ROBO2: variants seen among roughly 807,000 people sequenced by gnomAD.
ROBO2 encodes the protein roundabout homolog 2.
A neutral mutation model predicts 160.8 loss-of-function variants in ROBO2; 53 were observed. That is an observed-to-expected ratio of 0.33 (90% CI 0.26 to 0.41). The LOEUF (loss-of-function observed/expected upper bound fraction) is 0.41. ROBO2 is among the 10% of genes least tolerant of loss of function. The pLI is 1.00. For missense variants in ROBO2, 1,577 were observed against 1,722.4 expected, an observed-to-expected ratio of 0.92 and a Z score of 1.49; for synonymous variants, 664 against 611.7, an observed-to-expected ratio of 1.09 and a Z score of -1.26.
chr3:75,962,275 C>T (rs972377609), intron 2 of ROBO2, among the ~76,000 whole-genome samples: 2 of 151,626 alleles, frequency 1.3e-5, no homozygotes, highest in Non-Finnish European at 2.9e-5. Context: ...GATAGCACAT[C>T]CAAAGTGCTG....
intron 2 of ROBO2, among the ~76,000 whole-genome samples, chr3:76,543,203 A>G (rs1388453055): frequency 1.3e-5 from 2 of 152,200 alleles, no homozygotes; most frequent in African/African-American, 4.8e-5. Context: ...ATTGTTCACA[A>G]TGACTGTTAT....
intron 2 of ROBO2, among the ~76,000 whole-genome samples, chr3:77,448,056 G>A (rs1266712209): frequency 6.6e-6 from 1 of 152,106 alleles, no homozygotes; most frequent in East Asian, 1.9e-4. Flanking sequence ...CAGTTTTTGC[G>A]ATGTGACATT....
At chr3:77,416,124 T>G (rs1429758153) in intron 2 of ROBO2, among the ~76,000 whole-genome samples, 1 of 152,130 alleles carries the variant, frequency 6.6e-6, no homozygotes, top group African/African-American at 2.4e-5. Flanking sequence ...GAGAGTAAAG[T>G]TCTTGACAAT....
At chr3:77,040,128 G>A in exon 1 of ROBO2, 1 of 981,188 alleles carries the variant, frequency 1.0e-6, no homozygotes, top group African/African-American at 1.8e-5. Context: ...CACCCGAATC[G>A]TCCTGATTTC....
chr3:77,163,008 G>C (rs1438388573), intron 2 of ROBO2, among the ~76,000 whole-genome samples: 1 of 147,400 alleles, frequency 6.8e-6, no homozygotes, highest in Non-Finnish European at 1.5e-5. Flanking sequence ...TTTTTTTTTT[G>C]TATTTTTAGT....
chr3:76,232,263 G>T (rs1182991773), intron 2 of ROBO2, among the ~76,000 whole-genome samples: 1 of 152,154 alleles, frequency 6.6e-6, no homozygotes, highest in Non-Finnish European at 1.5e-5. Flanking sequence ...GCTTCATAAG[G>T]TATAGTAGAC....
chr3:76,992,162 A>G (rs1272961104), intron 2 of ROBO2, among the ~76,000 whole-genome samples: 1 of 151,772 alleles, frequency 6.6e-6, no homozygotes, highest in Admixed American at 6.6e-5. Context: ...GTTACCAAAG[A>G]ACTATTTATT....
At chr3:76,605,023 T>A (rs568587008) in intron 2 of ROBO2, among the ~76,000 whole-genome samples, 1 of 152,280 alleles carries the variant, frequency 6.6e-6, no homozygotes, top group East Asian at 1.9e-4. Flanking sequence ...ATCAGTGTAA[T>A]TTCATGTATA....
At chr3:76,697,132 G>A (rs1560396709) in intron 2 of ROBO2, among the ~76,000 whole-genome samples, 2 of 152,166 alleles carry the variant, frequency 1.3e-5, no homozygotes. Flanking sequence ...GGTATTGATA[G>A]CATTGTCATA....
chr3:77,602,331 A>G, exon 20 of ROBO2: 1 of 1,614,172 alleles, frequency 6.2e-7, no homozygotes, highest in Non-Finnish European at 8.5e-7. Flanking sequence ...GCCAAATAAC[A>G]CAGGCTACCC....
intron 2 of ROBO2, among the ~76,000 whole-genome samples, chr3:76,306,146 A>G (rs1226121619): frequency 3.3e-5 from 5 of 152,184 alleles, no homozygotes; most frequent in African/African-American, 9.7e-5. Context: ...GACCAAACTC[A>G]CAGAATTTTC....
chr3:76,273,664 A>G (rs1707742558), intron 2 of ROBO2, among the ~76,000 whole-genome samples: 1 of 151,946 alleles, frequency 6.6e-6, no homozygotes, highest in Admixed American at 6.6e-5. Context: ...ATGAGAACTC[A>G]CTCATCATCA....
chr3:76,114,220 A>G (rs1017318415), intron 2 of ROBO2, among the ~76,000 whole-genome samples: 2 of 152,270 alleles, frequency 1.3e-5, no homozygotes, highest in African/African-American at 2.4e-5. Context: ...GAACTTTGGG[A>G]GACACATTCA....
At chr3:77,202,154 T>A (rs758866018) in intron 2 of ROBO2, among the ~76,000 whole-genome samples, 7 of 152,146 alleles carry the variant, frequency 4.6e-5, no homozygotes, top group Non-Finnish European at 1.0e-4. Context: ...GTATCAACGA[T>A]CAGAGGGAAG....
chr3:76,272,795 T>TATGTATAAA (rs1707553673), intron 2 of ROBO2, among the ~76,000 whole-genome samples: 1 of 40,146 alleles, frequency 2.5e-5, no homozygotes, highest in Non-Finnish European at 4.9e-5. Flanking sequence ...ATAAAATATA[T>TATGTATAAA]ATATATAAAA....
intron 2 of ROBO2, among the ~76,000 whole-genome samples, chr3:76,925,024 C>T (rs1025814035): frequency 1.3e-5 from 2 of 151,600 alleles, no homozygotes; most frequent in Middle Eastern, 3.4e-3. Flanking sequence ...CCGGCTAAAA[C>T]GGTGAAACCC....
At chr3:76,034,050 C>T (rs2067016875) in intron 2 of ROBO2, among the ~76,000 whole-genome samples, 1 of 152,188 alleles carries the variant, frequency 6.6e-6, no homozygotes, top group East Asian at 1.9e-4. Flanking sequence ...AAATAGACTT[C>T]ACCTCTTGAC....
intron 2 of ROBO2, among the ~76,000 whole-genome samples, chr3:76,784,715 A>G (rs2108646918): frequency 6.6e-6 from 1 of 151,216 alleles, no homozygotes; most frequent in South Asian, 2.1e-4. Flanking sequence ...TTCTTGATGT[A>G]GTCCTCAAAC....
chr3:76,271,546 C>T (rs2107628351), intron 2 of ROBO2, among the ~76,000 whole-genome samples: 1 of 150,216 alleles, frequency 6.7e-6, no homozygotes, highest in African/African-American at 2.4e-5. Context: ...ACCTGTCACT[C>T]TGCAATCTTT....
Sources: gnomAD v4.1 joint callset for allele counts (sites outside exome capture counted in the v4.1 genomes callset) on GRCh38, gnomAD v4.1.1 for gene constraint, MANE v1.5 for transcripts, NCBI Gene and HGNC (gene_info 2026-07-23, HGNC 2026-07-21) for gene names.